ROBO2: variants seen among roughly 807,000 people sequenced by gnomAD.
ROBO2 encodes the protein roundabout homolog 2.
A neutral mutation model predicts 160.8 loss-of-function variants in ROBO2; 53 were observed. The observed-to-expected ratio is 0.33, with a 90% CI of 0.26 to 0.41. ROBO2 has a LOEUF of 0.41. Among genes scored for constraint, ROBO2 ranks in the 10% least tolerant of loss-of-function variants. The pLI is 1.00. For synonymous variants in ROBO2, 664 were observed against 611.7 expected (o/e 1.09, Z -1.26); for missense variants, 1,577 against 1,722.4 (o/e 0.92, Z 1.49).
chr3:77,229,520 G>T (rs563637457), intron 2 of ROBO2, among the ~76,000 whole-genome samples: 84 of 152,114 alleles, frequency 5.5e-4, no homozygotes, highest in African/African-American at 1.9e-3. Context: ...ATATAGCCAG[G>T]TGTGGTGGTG....
At chr3:77,348,257 G>A (rs1412460791) in intron 2 of ROBO2, among the ~76,000 whole-genome samples, 1 of 152,088 alleles carries the variant, frequency 6.6e-6, no homozygotes, top group Non-Finnish European at 1.5e-5. Flanking sequence ...TCAGCTGGTT[G>A]CCCATTTTTA....
chr3:76,697,952 A>G (rs180999951), intron 2 of ROBO2, among the ~76,000 whole-genome samples: 11 of 152,268 alleles, frequency 7.2e-5, no homozygotes, highest in Admixed American at 6.5e-5. Context: ...AAGCTCCTCT[A>G]TTTTATTCAT....
intron 4 of ROBO2, among the ~76,000 whole-genome samples, chr3:77,481,675 A>G (rs530851604): frequency 5.3e-5 from 8 of 152,324 alleles, no homozygotes; most frequent in Non-Finnish European, 7.3e-5. Context: ...CTTGATAAAT[A>G]TACTATGTAT....
At chr3:77,245,137 T>C (rs1464045958) in intron 2 of ROBO2, among the ~76,000 whole-genome samples, 1 of 152,206 alleles carries the variant, frequency 6.6e-6, no homozygotes, top group East Asian at 1.9e-4. Flanking sequence ...TGCCTTCTTG[T>C]TCCACATTTA....
chr3:75,922,465 A>G (rs1947101050), intron 1 of ROBO2, among the ~76,000 whole-genome samples: 1 of 152,100 alleles, frequency 6.6e-6, no homozygotes, highest in East Asian at 1.9e-4. Context: ...GCAAATATCT[A>G]ATCAGCAGCA....
At chr3:76,468,332 G>T (rs965235792) in intron 2 of ROBO2, among the ~76,000 whole-genome samples, 18 of 152,224 alleles carry the variant, frequency 1.2e-4, no homozygotes, top group African/African-American at 4.3e-4. Context: ...ATGGACACTG[G>T]CAATTAATTA....
At chr3:77,119,973 G>A (rs909386341) in intron 2 of ROBO2, among the ~76,000 whole-genome samples, 1 of 152,172 alleles carries the variant, frequency 6.6e-6, no homozygotes, top group African/African-American at 2.4e-5. Flanking sequence ...GTCCTTGAAA[G>A]CATTTGAATC....
In ROBO2 at chr3:77,316,347, T is replaced by C. The variant is rs138322125; in HGVS notation, c.389-161067T>C. ...ATAAAAAAGTCTCATTCAGATGAGT[T>C]TGTAACACTGTCAAGCAGTGAGCCT... is the stretch of plus-strand genomic sequence containing the variant. On this transcript the variant is annotated intron_variant, in intron 2 of 25. Coordinates refer to ENST00000461745, the Ensembl canonical transcript of ROBO2. 6.1e-3 allele frequency among the ~76,000 whole-genome samples: 930 copies of C among 152,256 alleles called. 3 individuals carry two copies. Among genetic ancestry groups the C allele is most frequent in the Admixed American group, 9.2e-3 (141 of 15,288 alleles).
At chr3:75,919,655 A>C (rs768023043) in intron 1 of ROBO2, among the ~76,000 whole-genome samples, 5 of 151,986 alleles carry the variant, frequency 3.3e-5, no homozygotes, top group Non-Finnish European at 7.4e-5. Context: ...GGCTGTGAAT[A>C]CATCTGGTCC....
intron 1 of ROBO2, among the ~76,000 whole-genome samples, chr3:77,089,264 G>A (rs2150003803): frequency 6.6e-6 from 1 of 152,246 alleles, no homozygotes; most frequent in African/African-American, 2.4e-5. Context: ...TTGGTTGTGA[G>A]AAAGAAACTT....
intron 2 of ROBO2, among the ~76,000 whole-genome samples, chr3:77,292,277 A>G (rs1046824328): frequency 5.3e-5 from 8 of 151,878 alleles, no homozygotes; most frequent in African/African-American, 1.7e-4. Context: ...AGCTGAGGCT[A>G]GATCACCCAG....
intron 2 of ROBO2, among the ~76,000 whole-genome samples, chr3:76,745,431 T>C (rs2093869605): frequency 6.6e-6 from 1 of 152,182 alleles, no homozygotes; most frequent in Admixed American, 6.6e-5. Context: ...AATTTTATTC[T>C]AGATAATCCT....
chr3:77,564,509 A>G (rs1262436692), intron 11 of ROBO2: 1 of 454,134 alleles, frequency 2.2e-6, no homozygotes, highest in South Asian at 1.6e-5. Flanking sequence ...AAAAGAAAAC[A>G]CACCTTGTAA....
chr3:77,173,778 C>A (rs2079868458), intron 2 of ROBO2, among the ~76,000 whole-genome samples: 1 of 151,840 alleles, frequency 6.6e-6, no homozygotes, highest in Non-Finnish European at 1.5e-5. Context: ...AAATGTTATA[C>A]CTAAAGGGAT....
chr3:76,626,155 G>C (rs1297732150), intron 2 of ROBO2, among the ~76,000 whole-genome samples: 1 of 152,140 alleles, frequency 6.6e-6, no homozygotes, highest in African/African-American at 2.4e-5. Flanking sequence ...TGAAAGGATG[G>C]GGTCACCATG....
At chr3:77,425,957 C>T (rs1326474408) in intron 2 of ROBO2, among the ~76,000 whole-genome samples, 2 of 152,010 alleles carry the variant, frequency 1.3e-5, no homozygotes, top group African/African-American at 2.4e-5. Context: ...GCCACAGCGC[C>T]CAGCCCCTTA....
chr3:76,600,216 T>C (rs1400884260), intron 2 of ROBO2, among the ~76,000 whole-genome samples: 1 of 152,174 alleles, frequency 6.6e-6, no homozygotes, highest in African/African-American at 2.4e-5. Flanking sequence ...GAATTGATTT[T>C]TGTATATGGT....
chr3:76,529,507 C>T (rs1033056274), intron 2 of ROBO2, among the ~76,000 whole-genome samples: 1 of 152,060 alleles, frequency 6.6e-6, no homozygotes, highest in Non-Finnish European at 1.5e-5. Flanking sequence ...CTAAGCTGCA[C>T]TGAGAAAGAT....
At chr3:76,363,213 G>C (rs144687621) in intron 2 of ROBO2, among the ~76,000 whole-genome samples, 1 of 150,530 alleles carries the variant, frequency 6.6e-6, no homozygotes, top group East Asian at 2.0e-4. Context: ...ACACACACAG[G>C]CACACACACA....
Sources: gnomAD v4.1 joint callset for allele counts (sites outside exome capture counted in the v4.1 genomes callset) on GRCh38, gnomAD v4.1.1 for gene constraint, MANE v1.5 for transcripts, NCBI Gene and HGNC (gene_info 2026-07-23, HGNC 2026-07-21) for gene names.